Variants in ZNF730 observed in about 807,000 individuals in gnomAD.
The protein encoded by ZNF730 is zinc finger protein 730, also known as putative zinc finger protein 730.
A neutral mutation model predicts 12.6 loss-of-function variants in ZNF730; 12 were observed. The observed-to-expected ratio is 0.95, with a 90% CI of 0.61 to 1.54. ZNF730 has a LOEUF of 1.54. ZNF730 is among the 40% of genes most tolerant of loss of function. ZNF730 has a pLI of 0.00. For missense variants in ZNF730, 643 were observed against 583.5 expected, an observed-to-expected ratio of 1.10 and a Z score of -1.05; for synonymous variants, 194 against 195.8, an observed-to-expected ratio of 0.99 and a Z score of 0.08.
intron 1 of ZNF730, among the ~76,000 whole-genome samples, chr19:23,081,339 A>G (rs2145439907): frequency 6.6e-6 from 1 of 150,808 alleles, no homozygotes; most frequent in South Asian, 2.1e-4. Flanking sequence ...TCTTTTTTTG[A>G]GATGTAGTCT....
At chr19:23,094,384 ATCT>A (rs1970213478) in intron 1 of ZNF730, among the ~76,000 whole-genome samples, 2 of 147,020 alleles carry the variant, frequency 1.4e-5, no homozygotes, top group South Asian at 4.6e-4. Flanking sequence ...CTATCTATCT[ATCT>A]ATCTGTCTAT....
intron 1 of ZNF730, among the ~76,000 whole-genome samples, chr19:23,121,347 G>A (rs1599589879): frequency 6.6e-6 from 1 of 152,068 alleles, no homozygotes; most frequent in Non-Finnish European, 1.5e-5. Flanking sequence ...TTGTGTGTGT[G>A]TGTGTGTGTA....
chr19:23,127,438 CT>C, intron 1 of ZNF730: 1 of 1,084,724 alleles, frequency 9.2e-7, no homozygotes. Context: ...TGAATTCTTC[CT>C]TTGTCATTGA....
intron 1 of ZNF730, among the ~76,000 whole-genome samples, chr19:23,120,018 A>C (rs1402657796): frequency 2.2e-5 from 3 of 136,406 alleles, no homozygotes; most frequent in East Asian, 2.1e-4. Flanking sequence ...TTTCTCAGGC[A>C]GAGCCTCGCT....
chr19:23,114,307 T>TTC (rs199755642), upstream of ZNF730, among the ~76,000 whole-genome samples: 29,917 of 112,436 alleles, frequency 0.27, 4,813 homozygotes, highest in Non-Finnish European at 0.37. Context: ...TTTCTTTTCT[T>TTC]TTTTTTTTTT....
At chr19:23,126,312 AT>A (rs1388623465) in intron 1 of ZNF730, among the ~76,000 whole-genome samples, 2 of 152,216 alleles carry the variant, frequency 1.3e-5, no homozygotes, top group Non-Finnish European at 2.9e-5. Context: ...TTAAAGAAGA[AT>A]AAAACTTGGA....
intron 1 of ZNF730, chr19:23,128,012 T>C (rs1009810027): frequency 1.9e-5 from 14 of 748,840 alleles, no homozygotes; most frequent in Non-Finnish European, 3.4e-5. Context: ...ACCTATGGCA[T>C]GGACAAGATC....
chr19:23,112,762 A>G (rs770305368), upstream of ZNF730, among the ~76,000 whole-genome samples: 6 of 152,028 alleles, frequency 3.9e-5, no homozygotes, highest in African/African-American at 1.4e-4. Flanking sequence ...TGGAAGGCCA[A>G]TATGGGTGAG....
chr19:23,134,287 C>G, intron 2 of ZNF730, 81 bp downstream of exon 2: 1 of 1,249,538 alleles, frequency 8.0e-7, no homozygotes, highest in Non-Finnish European at 1.1e-6. Flanking sequence ...GCTTTCAGAT[C>G]CCGGGTTTTT....
chr19:23,084,361 T>C (rs1229008063), intron 1 of ZNF730, among the ~76,000 whole-genome samples: 1 of 152,188 alleles, frequency 6.6e-6, no homozygotes, highest in Non-Finnish European at 1.5e-5. Context: ...GCCTTCAGCT[T>C]TGCGCTTTTA....
intron 1 of ZNF730, among the ~76,000 whole-genome samples, chr19:23,075,586 G>A (rs1049993932): frequency 1.3e-5 from 2 of 152,156 alleles, no homozygotes; most frequent in East Asian, 1.9e-4. Flanking sequence ...CCTGCTGGGC[G>A]CCCTGTCTGG....
At chr19:23,121,779 G>A (rs7507433) in intron 1 of ZNF730, among the ~76,000 whole-genome samples, 149,743 of 152,354 alleles carry the variant, frequency 0.98, 73,625 homozygotes, top group Middle Eastern at 1. Flanking sequence ...GTCTACTGAA[G>A]TTCAGATGTC....
chr19:23,140,407 T>C (rs559804247), intron 3 of ZNF730, among the ~76,000 whole-genome samples: 13 of 147,960 alleles, frequency 8.8e-5, no homozygotes, highest in African/African-American at 2.5e-4. Context: ...GTCAGGAGTA[T>C]GAGACCAGCC....
At chr19:23,089,605 T>C (rs1351635414) in intron 1 of ZNF730, among the ~76,000 whole-genome samples, 1 of 152,222 alleles carries the variant, frequency 6.6e-6, no homozygotes, top group Non-Finnish European at 1.5e-5. Flanking sequence ...TTTCTCTTGC[T>C]GCTGTGATGT....
Position 23,145,281 on chromosome 19 carries a change from T to C in ZNF730, c.237T>C (p.Ser79=). 6.5e-7 allele frequency: 1 copy of C among 1,528,680 alleles called. No individual in the cohort carries two copies. Among genetic ancestry groups the C allele is most frequent in the South Asian group, 1.3e-5 (1 of 76,302 alleles). 94.7% of individuals were successfully genotyped at this position (1,528,680 alleles called of 1,614,324 possible). ...TTTTATTTCTTTCAGTTATATGTTC[T>C]CATATTGCCCAAGACCTTTGGCCAG... ...DMVAKPPVIC[S]HIAQDLWPEQ... is the part of the protein sequence containing the mutation. The change falls in exon 4 of 4, where the codon TCT becomes TCC. Residue 79 remains serine, a synonymous_variant. Transcript: ENST00000597761.
intron 1 of ZNF730, among the ~76,000 whole-genome samples, chr19:23,077,648 G>T (rs1240665109): frequency 2.0e-5 from 3 of 151,562 alleles, no homozygotes; most frequent in Non-Finnish European, 2.9e-5. Context: ...CATCATGTTG[G>T]CCAGGCTGGT....
rs1182396039 is a variant in ZNF730 at position 23,140,961 on chromosome 19, CTAAG to C, written c.227-4307_227-4304del. ...AGCGAGATTCTGTCTCAAAAAAAAA[CTAAG>C]TATTCATTTCATGGCCAGTCATGGT... On this transcript the variant is annotated intron_variant, in intron 3 of 3. Coordinates refer to ENST00000597761, the MANE Select transcript of ZNF730 (RefSeq NM_001277403.2). Among the ~76,000 whole-genome samples, 5 of 151,726 alleles carry C rather than the reference CTAAG, an allele frequency of 3.3e-5. No individual in the cohort carries two copies. In the South Asian group the frequency reaches 6.3e-4, roughly 19 times the overall value.
At chr19:23,120,671 T>A (rs1220816657) in intron 1 of ZNF730, among the ~76,000 whole-genome samples, 1 of 152,162 alleles carries the variant, frequency 6.6e-6, no homozygotes. Flanking sequence ...CTCAATAGAT[T>A]TCTTATTTGT....
chr19:23,113,238 A>C (rs1005185853), upstream of ZNF730, among the ~76,000 whole-genome samples: 2 of 152,152 alleles, frequency 1.3e-5, no homozygotes, highest in African/African-American at 2.4e-5. Flanking sequence ...TGATCTATGT[A>C]ATGTTAGTTG....
Sources: allele counts gnomAD v4.1 joint callset (sites outside exome capture counted in the v4.1 genomes callset), GRCh38; gene constraint gnomAD v4.1.1; transcripts MANE v1.5; gene names NCBI Gene and HGNC (gene_info 2026-07-23, HGNC 2026-07-21).